INPP5K: variants seen among roughly 807,000 people sequenced by gnomAD.
INPP5K encodes inositol polyphosphate 5-phosphatase K.
A neutral mutation model predicts 53.5 loss-of-function variants in INPP5K; 35 were observed. The ratio of observed to expected loss-of-function variants is 0.65; its 90% confidence interval spans 0.50 to 0.87. The LOEUF (loss-of-function observed/expected upper bound fraction) is 0.87. Ranked by LOEUF, INPP5K falls within the 40% of genes least tolerant of loss-of-function variation. The probability of loss-of-function intolerance (pLI) is 0.00; values close to 1 mark genes in which losing one functional copy is unlikely to be tolerated. For missense variants in INPP5K, 550 were observed against 586.2 expected (o/e 0.94, Z 0.64); for synonymous variants, 253 against 232.8 (o/e 1.09, Z -0.79).
intron 8 of INPP5K, 47 bp from the exon 9 acceptor site, chr17:1,496,850 C>G (rs1217231033): frequency 6.3e-7 from 1 of 1,595,490 alleles, no homozygotes; most frequent in African/African-American, 1.3e-5. Context: ...GCATCATTCC[C>G]TCCTCTGAGG....
At chr17:1,499,258 A>G (rs1004507214) in intron 7 of INPP5K, among the ~76,000 whole-genome samples, 10 of 152,162 alleles carry the variant, frequency 6.6e-5, no homozygotes, top group Admixed American at 5.9e-4. Flanking sequence ...CACGCCTGTA[A>G]TCCAAGCACT....
At chr17:1,513,295 C>G (rs535846988) in intron 3 of INPP5K, among the ~76,000 whole-genome samples, 158 bp downstream of exon 3, 1 of 152,248 alleles carries the variant, frequency 6.6e-6, no homozygotes, top group South Asian at 2.1e-4. Flanking sequence ...AGGCAGGGGC[C>G]CCGGGGTCCA....
At position 1,495,040 on chromosome 17, in the gene INPP5K, C is replaced by T. The variant is rs1340484887; in HGVS notation, c.*783G>A. ...AGGACCACCCTGGAAAAGTCTGTGGCCACAGCTCCTTGACCACTTGTCACC... is the reference window on the plus strand; with the variant it reads ...AGGACCACCCTGGAAAAGTCTGTGGTCACAGCTCCTTGACCACTTGTCACC... On this transcript the variant is annotated 3_prime_UTR_variant, in exon 12 of 12. Transcript: ENST00000421807. 6.6e-6 allele frequency: 1 copy of T among 152,260 alleles called. No individual in the cohort carries two copies. The highest frequency in any genetic ancestry group is 1.5e-5 in the Non-Finnish European group (1 of 68,058). The allele number at this position is 152,260 out of a possible 1,614,324, so 9.4% of individuals were successfully genotyped here.
At chr17:1,509,606 C>A in intron 4 of INPP5K, 77 bp downstream of exon 4, 1 of 1,044,268 alleles carries the variant, frequency 9.6e-7, no homozygotes, top group Non-Finnish European at 1.5e-6. Flanking sequence ...ATTCCTTTCA[C>A]TTCCTTTTTC....
intron 5 of INPP5K, 38 bp from the exon 6 acceptor site, chr17:1,508,264 T>G: frequency 2.0e-6 from 3 of 1,516,934 alleles, no homozygotes; most frequent in Non-Finnish European, 2.7e-6. Flanking sequence ...GGATTTGTGA[T>G]GAAGTCGGGG....
chr17:1,505,675 A>G (rs908633441), intron 7 of INPP5K, among the ~76,000 whole-genome samples: 2 of 152,104 alleles, frequency 1.3e-5, no homozygotes, highest in African/African-American at 4.8e-5. Flanking sequence ...TTGCTGTAAC[A>G]CTTCCAGAAC....
Position 1,495,816 on chromosome 17 carries a change from T to C in INPP5K, c.*7A>G, listed in dbSNP as rs749374257. ...GGCCTCCGCCTGGGATTCACTCCCA[T>C]CCTGGCTCAGATCTGTGGCTGTGCT... On this transcript the variant is annotated 3_prime_UTR_variant, in exon 12 of 12. Coordinates refer to ENST00000421807, the MANE Select transcript of INPP5K (RefSeq NM_016532.4). 6.2e-7 allele frequency: 1 copy of C among 1,610,526 alleles called. No individual in the cohort carries two copies. The highest frequency in any genetic ancestry group is 8.5e-7 in the Non-Finnish European group (1 of 1,177,222).
At chr17:1,498,354 A>G (rs1484114402) in intron 7 of INPP5K, among the ~76,000 whole-genome samples, 1 of 152,190 alleles carries the variant, frequency 6.6e-6, no homozygotes, top group Non-Finnish European at 1.5e-5. Flanking sequence ...CTGTATGTCT[A>G]GCTCATGTTT....
intron 6 of INPP5K, 178 bp from the exon 7 acceptor site, chr17:1,507,267 C>T (rs2075181358): frequency 1.0e-5 from 6 of 574,172 alleles, no homozygotes; most frequent in African/African-American, 3.8e-5. Context: ...AGAAAGCAGG[C>T]GAATCCTTTC....
chr17:1,494,638 C>T lies in INPP5K; in HGVS notation c.*1185G>A, dbSNP rs2074779358. On this transcript the variant is annotated 3_prime_UTR_variant, in exon 12 of 12. Transcript: ENST00000421807. The stretch of plus-strand genomic sequence containing the variant: ...ACAGTCACAAAACAGCCAGCCATGG[C>T]CTGCTGGAAGCCAGGGGACAATTCT... 1.3e-5 allele frequency: 2 copies of T among 152,272 alleles called. No homozygotes were observed. The highest frequency in any genetic ancestry group is 2.9e-5 in the Non-Finnish European group (2 of 68,106). 9.4% of individuals were successfully genotyped at this position (152,272 alleles called of 1,614,324 possible).
chr17:1,505,839 CAA>C (rs1464157098), intron 7 of INPP5K, among the ~76,000 whole-genome samples: 1 of 152,156 alleles, frequency 6.6e-6, no homozygotes, highest in Non-Finnish European at 1.5e-5. Flanking sequence ...CCCGCTGGAA[CAA>C]AGACCCTCAT....
Position 1,513,629 on chromosome 17 carries a change from T to C in INPP5K, c.153-68A>G, listed in dbSNP as rs2075360898. The C allele has an allele frequency of 2.2e-6, 3 of 1,360,302 alleles. No individual in the cohort carries two copies. The South Asian group carries it at 3.5e-5, about 16-fold the overall frequency. 84.3% of individuals were successfully genotyped at this position (1,360,302 alleles called of 1,614,324 possible). ...TACTTCCCCTGCCACAGATATTTGA[T>C]ACCATCTTCACGGACTTTCAAGGCC... On this transcript the variant is annotated intron_variant, in intron 2 of 11. Transcript: ENST00000421807.
At position 1,496,334 on chromosome 17, in the gene INPP5K, G is replaced by A. The variant is rs145752810; in HGVS notation, c.1170C>T (p.Ser390=). 18 of 1,561,754 alleles carry A rather than the reference G, an allele frequency of 1.2e-5. No individual in the cohort carries two copies. In the East Asian group the frequency reaches 1.2e-4, roughly 10 times the overall value. ...GGTGACGTACCTGGTTCAGGTTGTC[G>A]CTGCAGGAGACCTTGCTGTCCCCGA... ...AWVGDSKVSC[S]DNLNQVYIDI... Residue 390 remains serine (S), a synonymous_variant, in exon 10 of 12, where the codon AGC becomes AGT. Coordinates refer to ENST00000421807, the MANE Select transcript of INPP5K (RefSeq NM_016532.4).
In INPP5K at chr17:1,497,874, G is replaced by A. The variant is rs946471119; in HGVS notation, c.963+62C>T. On this transcript the variant is annotated intron_variant, in intron 8 of 11. Coordinates refer to ENST00000421807, the MANE Select transcript of INPP5K (RefSeq NM_016532.4). ...TGACATTCGAATCCAGGGATGGAGG[G>A]CTTGGGGATGTGGCCAGCATAGCTA... 32 of 1,424,454 alleles carry A rather than the reference G, an allele frequency of 2.2e-5. No homozygotes were observed. In the Admixed American group the frequency reaches 4.9e-4, roughly 22 times the overall value. 88.2% of individuals were successfully genotyped at this position (1,424,454 alleles called of 1,614,324 possible). A position where few individuals can be genotyped will look rare whatever the true frequency, so the allele number is the denominator to read the frequency against.
At position 1,505,179 on chromosome 17, in the gene INPP5K, G is replaced by A. The variant is rs138653813; in HGVS notation, c.776+1801C>T. 1.8e-3 allele frequency among the ~76,000 whole-genome samples: 275 copies of A among 152,270 alleles called. 1 individual carries two copies. Among genetic ancestry groups the A allele is most frequent in the African/African-American group, 6.5e-3 (271 of 41,568 alleles). Reference sequence around the variant, plus strand: ...GGAGACAGGGTTGCCCAGCTGGAGTGCAGTGAGTCAATCTCAGCTCACTGC... The same window carrying A: ...GGAGACAGGGTTGCCCAGCTGGAGTACAGTGAGTCAATCTCAGCTCACTGC... On this transcript the variant is annotated intron_variant, in intron 7 of 11. Coordinates refer to ENST00000421807, the MANE Select transcript of INPP5K (RefSeq NM_016532.4).
Position 1,498,246 on chromosome 17 carries a change from C to T in INPP5K, c.777-124G>A. 3.8e-6 allele frequency: 3 copies of T among 799,638 alleles called. No homozygotes were observed. The South Asian group carries it at 5.5e-5, about 15-fold the overall frequency. The allele number at this position is 799,638 out of a possible 1,614,324, so 49.5% of individuals were successfully genotyped here. On this transcript the variant is annotated intron_variant, in intron 7 of 11. Coordinates refer to ENST00000421807, the MANE Select transcript of INPP5K (RefSeq NM_016532.4). The stretch of plus-strand genomic sequence containing the variant: ...TCCAGCAACTACTGGCAGCCACAGA[C>T]CCCCGGGGCCAGAGCCGGAGGGAGC...
At chr17:1,499,714 G>A (rs2074956064) in intron 7 of INPP5K, among the ~76,000 whole-genome samples, 1 of 152,204 alleles carries the variant, frequency 6.6e-6, no homozygotes, top group Non-Finnish European at 1.5e-5. Context: ...TGCCCTCCTG[G>A]AGACCAGCAG....
chr17:1,497,288 C>T (rs531599781), intron 8 of INPP5K, among the ~76,000 whole-genome samples: 6 of 152,290 alleles, frequency 3.9e-5, no homozygotes, highest in African/African-American at 1.4e-4. Flanking sequence ...GCCTGGGCAA[C>T]ATAGTGAAAC....
chr17:1,502,698 C>T (rs367868442), intron 7 of INPP5K, among the ~76,000 whole-genome samples: 1 of 152,264 alleles, frequency 6.6e-6, no homozygotes, highest in East Asian at 1.9e-4. Flanking sequence ...GCAAAGTGAG[C>T]GTGTACAAAT....
Sources: gnomAD v4.1 joint callset for allele counts (sites outside exome capture counted in the v4.1 genomes callset) on GRCh38, gnomAD v4.1.1 for gene constraint, MANE v1.5 for transcripts, NCBI Gene and HGNC (gene_info 2026-07-23, HGNC 2026-07-21) for gene names.